SLC35F1: variants seen among roughly 807,000 people sequenced by gnomAD.
The protein encoded by SLC35F1 is solute carrier family 35 member F1, also known as chromosome 6 open reading frame 169.
SLC35F1 carries 14 observed loss-of-function variants against 48.7 expected under a neutral mutation model. The ratio of observed to expected loss-of-function variants is 0.29; its 90% confidence interval spans 0.19 to 0.45. SLC35F1 has a LOEUF of 0.45. Ranked by LOEUF, SLC35F1 falls within the 20% of genes least tolerant of loss-of-function variation. The probability of loss-of-function intolerance (pLI) is 1.00; values close to 1 mark genes in which losing one functional copy is unlikely to be tolerated. For missense variants in SLC35F1, 404 were observed against 500.0 expected, an observed-to-expected ratio of 0.81 and a Z score of 1.83; for synonymous variants, 190 against 202.2, an observed-to-expected ratio of 0.94 and a Z score of 0.51.
chr6:118,116,629 C>A (rs1001659514), intron 1 of SLC35F1, among the ~76,000 whole-genome samples: 9 of 152,100 alleles, frequency 5.9e-5, no homozygotes, highest in Admixed American at 5.2e-4. Context: ...AATCCATGTT[C>A]TTAAAGAAAT....
chr6:118,000,797 C>T (rs943935283), intron 1 of SLC35F1, among the ~76,000 whole-genome samples: 14 of 152,158 alleles, frequency 9.2e-5, no homozygotes, highest in African/African-American at 1.9e-4. Flanking sequence ...CATTCTTATA[C>T]ACCAGTAACA....
At chr6:118,050,370 A>C (rs1010311540) in intron 1 of SLC35F1, among the ~76,000 whole-genome samples, 29 of 132,012 alleles carry the variant, frequency 2.2e-4, no homozygotes, top group Non-Finnish European at 3.8e-4. Flanking sequence ...TATAATAATA[A>C]TAAAATTTCA....
At chr6:118,113,464 G>A (rs150465763) in intron 1 of SLC35F1, among the ~76,000 whole-genome samples, 111 of 152,260 alleles carry the variant, frequency 7.3e-4, no homozygotes, top group African/African-American at 2.6e-3. Flanking sequence ...ATGTTGATAA[G>A]AGGAGGGGCT....
At chr6:118,106,366 G>A (rs564459125) in intron 1 of SLC35F1, among the ~76,000 whole-genome samples, 2 of 152,128 alleles carry the variant, frequency 1.3e-5, no homozygotes, top group Admixed American at 6.6e-5. Flanking sequence ...ATCCAACAGT[G>A]CTTTCTCATT....
chr6:117,949,917 G>A (rs1254615723), intron 1 of SLC35F1, among the ~76,000 whole-genome samples: 4 of 152,158 alleles, frequency 2.6e-5, no homozygotes, highest in Admixed American at 2.0e-4. Flanking sequence ...GTTGTGCAGA[G>A]TGAAGTGTTT....
chr6:118,104,120 T>G (rs1181434615), intron 1 of SLC35F1, among the ~76,000 whole-genome samples: 1 of 148,572 alleles, frequency 6.7e-6, no homozygotes, highest in African/African-American at 2.5e-5. Context: ...TTCCCTTCCC[T>G]TCCTTTCCCT....
At chr6:118,241,708 G>C (rs977099210) in intron 3 of SLC35F1, among the ~76,000 whole-genome samples, 7 of 152,020 alleles carry the variant, frequency 4.6e-5, no homozygotes, top group African/African-American at 1.7e-4. Flanking sequence ...AAATCCCTTG[G>C]AGCTACCCCT....
chr6:118,220,724 A>C (rs1775135545), intron 2 of SLC35F1, among the ~76,000 whole-genome samples: 1 of 152,220 alleles, frequency 6.6e-6, no homozygotes, highest in Non-Finnish European at 1.5e-5. Context: ...TAAAAACCAG[A>C]CTAGACAGAG....
chr6:117,908,493 A>G (rs766332899), intron 1 of SLC35F1, among the ~76,000 whole-genome samples: 1 of 152,206 alleles, frequency 6.6e-6, no homozygotes, highest in Non-Finnish European at 1.5e-5. Flanking sequence ...AGAGGGCTAG[A>G]GGCCTGGAAC....
chr6:117,963,547 G>C (rs1313017973), intron 1 of SLC35F1, among the ~76,000 whole-genome samples: 2 of 152,144 alleles, frequency 1.3e-5, no homozygotes, highest in Non-Finnish European at 2.9e-5. Flanking sequence ...TCTTAAAAAT[G>C]TGAAAGTAAA....
Position 118,171,075 on chromosome 6 carries a change from C to T in SLC35F1, c.349+16455C>T, listed in dbSNP as rs547170363. 8.5e-5 allele frequency among the ~76,000 whole-genome samples: 13 copies of T among 152,208 alleles called. No homozygotes were observed. In the South Asian group the frequency reaches 2.5e-3, roughly 29 times the overall value. ...TTTTGGAAACAGGGTCTCTCTCTGT[C>T]ACCCAAGCTGGAGTGCAATGGCTTG... On this transcript the variant is annotated intron_variant, in intron 2 of 7. Transcript: ENST00000360388.
chr6:118,013,074 T>G (rs184290494), intron 1 of SLC35F1, among the ~76,000 whole-genome samples: 3 of 152,272 alleles, frequency 2.0e-5, no homozygotes, highest in Admixed American at 2.0e-4. Context: ...GACAGCTATT[T>G]CCCTGTTTTC....
intron 3 of SLC35F1, among the ~76,000 whole-genome samples, chr6:118,260,673 T>C (rs1483385564): frequency 6.6e-6 from 1 of 152,194 alleles, no homozygotes; most frequent in Non-Finnish European, 1.5e-5. Context: ...TTCATCTATA[T>C]ATGCCTTCAC....
intron 1 of SLC35F1, among the ~76,000 whole-genome samples, chr6:117,989,844 C>T (rs985167126): frequency 6.6e-6 from 1 of 152,130 alleles, no homozygotes; most frequent in Non-Finnish European, 1.5e-5. Flanking sequence ...AGAGCAAAGC[C>T]TGTAACTTGA....
chr6:118,239,633 C>T (rs1421634070), intron 3 of SLC35F1, among the ~76,000 whole-genome samples: 2 of 151,996 alleles, frequency 1.3e-5, no homozygotes, highest in Non-Finnish European at 2.9e-5. Context: ...CCCTGATCCT[C>T]AGGTAGTTAG....
intron 1 of SLC35F1, among the ~76,000 whole-genome samples, chr6:118,120,297 G>A (rs2484143): frequency 0.98 from 149,005 of 152,290 alleles, 72,987 homozygotes; most frequent in Middle Eastern, 1. Flanking sequence ...ACTTTTGCAT[G>A]AATACCATGT....
chr6:118,260,648 A>G (rs1775700977), intron 3 of SLC35F1, among the ~76,000 whole-genome samples: 1 of 152,172 alleles, frequency 6.6e-6, no homozygotes, highest in South Asian at 2.1e-4. Context: ...GAGGGAAGAA[A>G]GAAAGGATAT....
intron 2 of SLC35F1, among the ~76,000 whole-genome samples, chr6:118,212,073 T>C (rs2114549674): frequency 6.6e-6 from 1 of 152,338 alleles, no homozygotes; most frequent in South Asian, 2.1e-4. Flanking sequence ...GCATTCTTGG[T>C]GTAACTTTAT....
At chr6:118,135,091 A>G (rs528384268) in intron 1 of SLC35F1, among the ~76,000 whole-genome samples, 6 of 152,196 alleles carry the variant, frequency 3.9e-5, no homozygotes, top group Non-Finnish European at 8.8e-5. Flanking sequence ...CCTCTTTGTT[A>G]TGATCTATAC....
Sources: allele counts gnomAD v4.1 joint callset (sites outside exome capture counted in the v4.1 genomes callset), GRCh38; gene constraint gnomAD v4.1.1; transcripts MANE v1.5; gene names NCBI Gene and HGNC (gene_info 2026-07-23, HGNC 2026-07-21).